The following ACOT1 variants were observed in gnomAD, a reference collection of about 807,000 sequenced individuals.
The protein encoded by ACOT1 is acyl-coenzyme A thioesterase 1.
A neutral mutation model predicts 15.7 loss-of-function variants in ACOT1; 8 were observed. The ratio of observed to expected loss-of-function variants is 0.51; its 90% CI spans 0.30 to 0.92. The LOEUF is 0.92. Among genes scored for constraint, ACOT1 ranks in the 40% least tolerant of loss-of-function variants. The pLI, the probability that ACOT1 is intolerant of heterozygous loss-of-function variation, is 0.06. For synonymous variants in ACOT1, 67 were observed against 241.2 expected (o/e 0.28, Z 6.69); for missense variants, 151 against 539.4 (o/e 0.28, Z 7.13).
chr14:73,492,258 ACT>A, the ACOT1 span: 1 of 1,613,554 alleles, frequency 6.2e-7, no homozygotes, highest in Non-Finnish European at 8.5e-7. The surrounding 1 kb of genome is among the most constrained non-coding windows in gnomAD (Gnocchi z 4.9). Context: ...GATGGAGTCC[ACT>A]CTCTGCACCT....
chr14:73,506,379 G>A, the ACOT1 span: 31 of 859,112 alleles, frequency 3.6e-5, no homozygotes, highest in Admixed American at 1.1e-4. Context: ...GGTAAGAATG[G>A]AATAATACAT....
the ACOT1 span, chr14:73,500,465 T>C: frequency 7.3e-7 from 1 of 1,365,096 alleles, no homozygotes; most frequent in Non-Finnish European, 1.0e-6. Flanking sequence ...CCCCACAGAA[T>C]GTTGAGCATA....
chr14:73,500,259 C>G, the ACOT1 span, among the ~76,000 whole-genome samples: 2 of 151,012 alleles, frequency 1.3e-5, no homozygotes, highest in Non-Finnish European at 2.9e-5. Flanking sequence ...ACAAAAAAAC[C>G]ATGAGAATTA....
chr14:73,524,970 G>A, the ACOT1 span, among the ~76,000 whole-genome samples: 1 of 152,106 alleles, frequency 6.6e-6, no homozygotes, highest in East Asian at 1.9e-4. Context: ...ATGTGTAAAA[G>A]TGACCGTATT....
At chr14:73,512,016 C>T in the ACOT1 span, 6 of 1,613,880 alleles carry the variant, frequency 3.7e-6, no homozygotes, top group Non-Finnish European at 5.1e-6. Context: ...CTGAGTCTCT[C>T]TGGCTGGTGG....
the ACOT1 span, among the ~76,000 whole-genome samples, chr14:73,513,798 T>A: frequency 6.7e-6 from 1 of 149,486 alleles, no homozygotes; most frequent in Non-Finnish European, 1.5e-5. Flanking sequence ...AATAATGAGT[T>A]TCCACAAATT....
chr14:73,524,681 C>G, the ACOT1 span, among the ~76,000 whole-genome samples: 8 of 150,340 alleles, frequency 5.3e-5, no homozygotes, highest in Non-Finnish European at 3.0e-5. Context: ...TAGATCACAA[C>G]TCTGGAGCAC....
chr14:73,537,359 G>A lies in ACOT1; in HGVS notation c.-63G>A. The A allele has an allele frequency of 8.4e-7, 1 of 1,192,686 alleles. No individual in the cohort carries two copies. The highest frequency in any genetic ancestry group is 3.0e-4 in the Middle Eastern group (1 of 3,330). The allele number at this position is 1,192,686 out of a possible 1,614,324, so 73.9% of individuals were successfully genotyped here. A position where few individuals can be genotyped will look rare whatever the true frequency, so the allele number is the denominator to read the frequency against. On this transcript the variant is annotated 5_prime_UTR_variant, in exon 1 of 3. Transcript: ENST00000311148. Reference sequence around the variant, plus strand: ...ACGGCAGCCCGAGAGGAAGAGTTGGGCAGAGTTGCAGGGGTCTCCACAGCT... The same window carrying A: ...ACGGCAGCCCGAGAGGAAGAGTTGGACAGAGTTGCAGGGGTCTCCACAGCT...
the ACOT1 span, chr14:73,508,313 A>G: frequency 6.2e-7 from 1 of 1,612,380 alleles, no homozygotes; most frequent in Non-Finnish European, 8.5e-7. Flanking sequence ...GTTGGGTGAA[A>G]AAGAGTTCAG....
the ACOT1 span, among the ~76,000 whole-genome samples, chr14:73,524,057 G>A: frequency 6.6e-6 from 1 of 151,840 alleles, no homozygotes; most frequent in Non-Finnish European, 1.5e-5. Flanking sequence ...TTGGGAGGCC[G>A]AGGTGGGTGG....
At chr14:73,495,010 C>CT in the ACOT1 span, among the ~76,000 whole-genome samples, 40 of 151,326 alleles carry the variant, frequency 2.6e-4, no homozygotes, top group Non-Finnish European at 5.3e-4. Flanking sequence ...ATAGAGATAA[C>CT]TTTTTTTTAA....
chr14:73,520,564 G>C, the ACOT1 span: 1 of 305,586 alleles, frequency 3.3e-6, no homozygotes, highest in Non-Finnish European at 6.0e-6. Flanking sequence ...ATAGAGAAGA[G>C]ATGGATTGTT....
At chr14:73,522,904 C>G in the ACOT1 span, 7,592 of 1,614,216 alleles carry the variant, frequency 4.7e-3, 55 homozygotes, top group Middle Eastern at 0.048. Context: ...GAATGCTGGG[C>G]AGGCCTCGCT....
At chr14:73,512,150 C>CT in the ACOT1 span, 1 of 1,614,138 alleles carries the variant, frequency 6.2e-7, no homozygotes, top group Admixed American at 1.7e-5. Context: ...CACTCTATGA[C>CT]TGAGCCGCAG....
At chr14:73,513,877 A>G in the ACOT1 span, among the ~76,000 whole-genome samples, 5 of 152,084 alleles carry the variant, frequency 3.3e-5, no homozygotes, top group Admixed American at 6.6e-5. Flanking sequence ...CTAACACCCA[A>G]TGTGTGAAAG....
chr14:73,504,071 C>T, the ACOT1 span, among the ~76,000 whole-genome samples: 1 of 144,428 alleles, frequency 6.9e-6, no homozygotes, highest in Non-Finnish European at 1.5e-5. Context: ...GAGATTTTTG[C>T]ATTTCTTTTT....
the ACOT1 span, among the ~76,000 whole-genome samples, chr14:73,511,315 C>T: frequency 1.3e-5 from 2 of 151,682 alleles, no homozygotes; most frequent in African/African-American, 4.8e-5. Context: ...GAGTTCAAGA[C>T]CAGCCTGGCC....
the ACOT1 span, among the ~76,000 whole-genome samples, chr14:73,508,577 C>T: frequency 6.6e-6 from 1 of 151,834 alleles, no homozygotes; most frequent in East Asian, 1.9e-4. Flanking sequence ...GGTAAAACCC[C>T]ATCTCTACTA....
At chr14:73,514,667 T>A in the ACOT1 span, among the ~76,000 whole-genome samples, 2 of 152,212 alleles carry the variant, frequency 1.3e-5, no homozygotes, top group South Asian at 2.1e-4. Context: ...GGGAGAATAA[T>A]AGTGCTATAA....
Sources: allele counts gnomAD v4.1 joint callset (sites outside exome capture counted in the v4.1 genomes callset), GRCh38; gene constraint gnomAD v4.1.1; non-coding constraint Gnocchi (gnomAD v3.1); transcripts MANE v1.5; gene names NCBI Gene and HGNC (gene_info 2026-07-23, HGNC 2026-07-21).